The following PTAFR variants were observed in gnomAD, a reference collection of about 807,000 sequenced individuals.
The protein encoded by PTAFR is platelet-activating factor receptor.
PTAFR carries 8 observed loss-of-function variants against 14.7 expected under a neutral mutation model. The ratio of observed to expected loss-of-function variants is 0.54; its 90% CI spans 0.32 to 0.98. PTAFR has a LOEUF of 0.98. Ranked by LOEUF, PTAFR falls within the 50% of genes least tolerant of loss-of-function variation. The probability of loss-of-function intolerance (pLI) is 0.04; values close to 1 mark genes in which losing one functional copy is unlikely to be tolerated. For missense variants in PTAFR, 337 were observed against 451.2 expected, an observed-to-expected ratio of 0.75 and a Z score of 2.29; for synonymous variants, 156 against 176.5, an observed-to-expected ratio of 0.88 and a Z score of 0.92.
chr1:28,189,336 G>C (rs187182102), intron 1 of PTAFR, among the ~76,000 whole-genome samples: 1 of 151,994 alleles, frequency 6.6e-6, no homozygotes, highest in Non-Finnish European at 1.5e-5. Context: ...TAATGCGGCC[G>C]GGCATGGTTG....
intron 1 of PTAFR, among the ~76,000 whole-genome samples, chr1:28,171,321 T>C (rs1326279990): frequency 7.0e-6 from 1 of 143,238 alleles, no homozygotes; most frequent in South Asian, 2.2e-4. Context: ...AGACTCCATC[T>C]CAAAAAAAAA....
chr1:28,157,636 T>A (rs952873982), intron 1 of PTAFR, among the ~76,000 whole-genome samples: 29 of 151,238 alleles, frequency 1.9e-4, no homozygotes, highest in East Asian at 1.6e-3. Flanking sequence ...TTTGATTTTT[T>A]TTTTTTTTTT....
chr1:28,173,606 A>C (rs1475004257), intron 1 of PTAFR, among the ~76,000 whole-genome samples: 1 of 148,606 alleles, frequency 6.7e-6, no homozygotes, highest in Non-Finnish European at 1.5e-5. Context: ...AGGTGTGATC[A>C]CGCCACTGCA....
chr1:28,193,456 C>T (rs1442123835), intron 1 of PTAFR, among the ~76,000 whole-genome samples: 4 of 151,740 alleles, frequency 2.6e-5, no homozygotes, highest in African/African-American at 4.8e-5. Flanking sequence ...CTGTGGGTGA[C>T]GAGGATGTGT....
intron 1 of PTAFR, among the ~76,000 whole-genome samples, chr1:28,172,787 C>T (rs1646465851): frequency 1.3e-5 from 2 of 152,124 alleles, no homozygotes; most frequent in Admixed American, 1.3e-4. Flanking sequence ...GTGCCACTCA[C>T]CCACATATCT....
At chr1:28,178,254 T>A (rs567119732), upstream of PTAFR, among the ~76,000 whole-genome samples, 7 of 152,194 alleles carry the variant, frequency 4.6e-5, no homozygotes, top group East Asian at 1.9e-4. Context: ...ACACTTTTTT[T>A]ATTTTTTTAT....
At chr1:28,164,254 CAGTTGAGGTCAAA>C (rs1422745728) in intron 1 of PTAFR, among the ~76,000 whole-genome samples, 1 of 152,146 alleles carries the variant, frequency 6.6e-6, no homozygotes, top group Non-Finnish European at 1.5e-5. Flanking sequence ...TTTGTGGGGC[CAGTTGAGGTCAAA>C]AGTACAAAAT....
chr1:28,156,194 C>T (rs764934653), intron 1 of PTAFR, among the ~76,000 whole-genome samples: 12 of 150,540 alleles, frequency 8.0e-5, no homozygotes, highest in Admixed American at 1.3e-4. Flanking sequence ...ACCCAGTAGG[C>T]GGAGGTTGCA....
chr1:28,180,122 A>G (rs1371209759), upstream of PTAFR, among the ~76,000 whole-genome samples: 1 of 152,216 alleles, frequency 6.6e-6, no homozygotes, highest in East Asian at 1.9e-4. Context: ...CAACCTGGGC[A>G]AAACAGGGAG....
intron 1 of PTAFR, among the ~76,000 whole-genome samples, chr1:28,174,112 G>A (rs541415613): frequency 7.9e-5 from 12 of 152,168 alleles, no homozygotes; most frequent in East Asian, 3.9e-4. Context: ...GCTTCTCCCC[G>A]CTCTCATCAT....
chr1:28,168,671 T>TTTTG (rs1166492677), intron 1 of PTAFR, among the ~76,000 whole-genome samples: 2 of 152,098 alleles, frequency 1.3e-5, no homozygotes, highest in African/African-American at 4.8e-5. Flanking sequence ...AAACATTCTT[T>TTTTG]TTTGTTTGTT....
At chr1:28,171,160 TA>T (rs996369573) in intron 1 of PTAFR, among the ~76,000 whole-genome samples, 7 of 151,116 alleles carry the variant, frequency 4.6e-5, no homozygotes, top group African/African-American at 1.7e-4. Context: ...CCATATCTAC[TA>T]AAAATACAAA....
intron 1 of PTAFR, among the ~76,000 whole-genome samples, 163 bp downstream of exon 1, chr1:28,176,429 T>G (rs1382471508): frequency 8.7e-6 from 1 of 115,160 alleles, no homozygotes; most frequent in Admixed American, 1.2e-4. Flanking sequence ...GACAACAGAG[T>G]GAGAGACCCT....
intron 1 of PTAFR, among the ~76,000 whole-genome samples, chr1:28,152,001 T>A (rs1226174985): frequency 6.6e-6 from 1 of 152,072 alleles, no homozygotes; most frequent in Non-Finnish European, 1.5e-5. Flanking sequence ...CAAGCAATCT[T>A]CCCACCTCAG....
chr1:28,175,661 T>C (rs960098177), intron 1 of PTAFR, among the ~76,000 whole-genome samples: 2 of 151,878 alleles, frequency 1.3e-5, no homozygotes, highest in Admixed American at 6.6e-5. Flanking sequence ...TGGGACCTGA[T>C]AGGGGCTATT....
chr1:28,173,490 A>C (rs1322888705), intron 1 of PTAFR, among the ~76,000 whole-genome samples: 2 of 151,752 alleles, frequency 1.3e-5, no homozygotes, highest in Non-Finnish European at 2.9e-5. Flanking sequence ...AACAAAAACA[A>C]AAACACAAAA....
chr1:28,178,629 A>C (rs1572046988), upstream of PTAFR, among the ~76,000 whole-genome samples: 3 of 145,756 alleles, frequency 2.1e-5, no homozygotes, highest in Admixed American at 6.9e-5. Context: ...CCCCTCCTCC[A>C]CCTCCAGCCC....
intron 1 of PTAFR, among the ~76,000 whole-genome samples, chr1:28,170,796 C>T (rs533250433): frequency 1.2e-3 from 189 of 151,494 alleles, no homozygotes; most frequent in Non-Finnish European, 2.4e-3. Flanking sequence ...ATCAGGAGAT[C>T]GAGACCATCC....
intron 1 of PTAFR, among the ~76,000 whole-genome samples, chr1:28,167,633 A>ATTTTTTTTTTTTTTTTTTT (rs780344665): frequency 3.7e-5 from 3 of 80,234 alleles, no homozygotes; most frequent in African/African-American, 1.7e-4. Context: ...TGAAAACGGG[A>ATTTTTTTTTTTTTTTTTTT]TTTTTTTTTT....
Sources: allele counts gnomAD v4.1 joint callset (sites outside exome capture counted in the v4.1 genomes callset), GRCh38; gene constraint gnomAD v4.1.1; transcripts MANE v1.5; gene names NCBI Gene and HGNC (gene_info 2026-07-23, HGNC 2026-07-21).